The following TAOK3 variants were observed in gnomAD, a reference collection of about 807,000 sequenced individuals.
TAOK3 encodes serine/threonine-protein kinase TAO3.
A neutral mutation model predicts 120.4 loss-of-function variants in TAOK3; 40 were observed. The observed-to-expected ratio is 0.33, with a 90% CI of 0.26 to 0.43. TAOK3 has a LOEUF of 0.43. Among genes scored for constraint, TAOK3 ranks in the 20% least tolerant of loss-of-function variants. TAOK3 has a pLI of 1.00. For missense variants in TAOK3, 821 were observed against 1,112.1 expected, an observed-to-expected ratio of 0.74 and a Z score of 3.72; for synonymous variants, 355 against 387.5, an observed-to-expected ratio of 0.92 and a Z score of 0.99.
chr12:118,240,636 A>T lies in TAOK3; in HGVS notation c.295-1364T>A, dbSNP rs576166116. ...TGGGATTACAGGCATAAGCCACTGC[A>T]CCTGGCCCTTCTTATCCTAGATTTT... On this transcript the variant is annotated intron_variant, in intron 5 of 20. Transcript: ENST00000392533. Among the ~76,000 whole-genome samples the T allele has an allele frequency of 5.6e-3, 853 of 152,198 alleles. 3 individuals are homozygous for T. Among genetic ancestry groups the T allele is most frequent in the Non-Finnish European group, 9.3e-3 (630 of 68,010 alleles).
rs1159721827 is a variant in TAOK3 at position 118,198,199 on chromosome 12, G to A, written c.1194+852C>T. ...TTCCCCTTTTCCTTGAACATACAAA[G>A]CTCTCTCTGTCTCAGTGCTCTTGTA... is the stretch of plus-strand genomic sequence containing the variant. On this transcript the variant is annotated intron_variant, in intron 13 of 20. Transcript: ENST00000392533. 3.3e-5 allele frequency among the ~76,000 whole-genome samples: 5 copies of A among 151,852 alleles called. No homozygotes were observed. In the South Asian group the frequency reaches 1.0e-3, roughly 32 times the overall value.
At position 118,238,178 on chromosome 12, in the gene TAOK3, G is replaced by GA; in HGVS notation, c.341-10_341-9insT. On this transcript the variant is annotated splice_polypyrimidine_tract_variant and intron_variant, in intron 6 of 20. Coordinates refer to ENST00000392533, the MANE Select transcript of TAOK3 (RefSeq NM_016281.4). The stretch of plus-strand genomic sequence containing the variant: ...AAGTGGTTTTTTATGAACTGAGGAA[G>GA]GAAAAAAAAAAAAGTCAGTAGATGA... 6.5e-7 allele frequency: 1 copy of GA among 1,529,988 alleles called. No individual in the cohort carries two copies. Among genetic ancestry groups the GA allele is most frequent in the Admixed American group, 2.0e-5 (1 of 51,208 alleles). 94.8% of individuals were successfully genotyped at this position (1,529,988 alleles called of 1,614,324 possible).
intron 9 of TAOK3, among the ~76,000 whole-genome samples, chr12:118,223,062 CT>C (rs75334511): frequency 0.021 from 2,505 of 119,780 alleles, 19 homozygotes; most frequent in African/African-American, 0.047. Flanking sequence ...TTCTTTCTTT[CT>C]TTTTTTTTTT....
intron 19 of TAOK3, among the ~76,000 whole-genome samples, chr12:118,155,576 G>C (rs1316590502): frequency 6.6e-6 from 1 of 152,184 alleles, no homozygotes; most frequent in Non-Finnish European, 1.5e-5. Context: ...ACACTTATGA[G>C]ATGTTTAACA....
At chr12:118,357,619 T>C (rs1214517020) in intron 1 of TAOK3, among the ~76,000 whole-genome samples, 1 of 152,234 alleles carries the variant, frequency 6.6e-6, no homozygotes, top group African/African-American at 2.4e-5. Context: ...ACTTTTCCCT[T>C]CAACGAGTGT....
At chr12:118,304,666 T>C (rs983526022) in intron 1 of TAOK3, among the ~76,000 whole-genome samples, 1 of 152,242 alleles carries the variant, frequency 6.6e-6, no homozygotes, top group Admixed American at 6.5e-5. Flanking sequence ...GCTTTTTGAA[T>C]GTTATATGTG....
intron 1 of TAOK3, among the ~76,000 whole-genome samples, chr12:118,289,995 A>C (rs77518418): frequency 5.1e-4 from 65 of 128,214 alleles, no homozygotes; most frequent in African/African-American, 1.9e-3. Flanking sequence ...ACTCCATTGC[A>C]AAAAAAAAAA....
chr12:118,194,612 C>CTTTTTTTTTTTTTTTT (rs58866768), intron 13 of TAOK3, among the ~76,000 whole-genome samples: 1 of 98,172 alleles, frequency 1.0e-5, no homozygotes, highest in Non-Finnish European at 2.1e-5. Context: ...AAGGACATTT[C>CTTTTTTTTTTTTTTTT]TTTTTTTTTT....
At chr12:118,360,272 A>G (rs938286470) in intron 1 of TAOK3, among the ~76,000 whole-genome samples, 3 of 147,548 alleles carry the variant, frequency 2.0e-5, no homozygotes, top group African/African-American at 7.6e-5. Flanking sequence ...CAAAAGAAAA[A>G]AAAAAAAAAG....
intron 20 of TAOK3, among the ~76,000 whole-genome samples, chr12:118,151,810 T>A (rs2034464822): frequency 2.0e-5 from 3 of 152,360 alleles, no homozygotes; most frequent in African/African-American, 7.2e-5. Flanking sequence ...ATTTTAATTT[T>A]TTTTTAAACA....
chr12:118,288,038 G>A (rs371603504), intron 1 of TAOK3, among the ~76,000 whole-genome samples: 25 of 151,176 alleles, frequency 1.7e-4, no homozygotes, highest in East Asian at 1.2e-3. Flanking sequence ...ATTATCTAGT[G>A]TGCAATTTTT....
chr12:118,336,077 G>A (rs1315388124), intron 1 of TAOK3, among the ~76,000 whole-genome samples: 1 of 152,092 alleles, frequency 6.6e-6, no homozygotes, highest in Non-Finnish European at 1.5e-5. Flanking sequence ...ACGGATTTTC[G>A]TAGACATAGG....
intron 5 of TAOK3, among the ~76,000 whole-genome samples, chr12:118,241,837 G>A (rs1339209794): frequency 6.6e-6 from 1 of 152,170 alleles, no homozygotes; most frequent in Non-Finnish European, 1.5e-5. Context: ...GTGGCCGGGT[G>A]CAGTGGCTCA....
chr12:118,246,418 T>C (rs973185772), intron 3 of TAOK3: 346 of 1,464,902 alleles, frequency 2.4e-4, no homozygotes, highest in Non-Finnish European at 3.1e-4. Flanking sequence ...ATTATGCCAG[T>C]GCAGAAGCAG....
chr12:118,265,582 C>T (rs1042010825), intron 2 of TAOK3, among the ~76,000 whole-genome samples: 1 of 151,986 alleles, frequency 6.6e-6, no homozygotes, highest in Non-Finnish European at 1.5e-5. Context: ...TAATATAACA[C>T]CTCATTTCAC....
At chr12:118,200,620 T>C (rs2037973634) in intron 12 of TAOK3, 1 of 152,204 alleles carries the variant, frequency 6.6e-6, no homozygotes, top group South Asian at 2.1e-4. Context: ...ATCTGTATAC[T>C]GGCAAGAGTT....
At chr12:118,240,884 T>A (rs2040221565) in intron 5 of TAOK3, among the ~76,000 whole-genome samples, 1 of 151,844 alleles carries the variant, frequency 6.6e-6, no homozygotes, top group African/African-American at 2.4e-5. Flanking sequence ...AAAATATATT[T>A]ATATTATGTA....
At chr12:118,339,582 T>TC (rs1459025497) in intron 1 of TAOK3, among the ~76,000 whole-genome samples, 2 of 151,500 alleles carry the variant, frequency 1.3e-5, no homozygotes, top group African/African-American at 4.9e-5. Context: ...TTTTTTTTTT[T>TC]CGAGACGGGG....
chr12:118,266,475 T>C (rs1290950563), intron 2 of TAOK3, among the ~76,000 whole-genome samples, 180 bp downstream of exon 2: 18 of 152,304 alleles, frequency 1.2e-4, no homozygotes, highest in Admixed American at 9.8e-4. Flanking sequence ...GTGCTGGGAT[T>C]ACAGGCATGA....
Sources: gnomAD v4.1 joint callset for allele counts (sites outside exome capture counted in the v4.1 genomes callset) on GRCh38, gnomAD v4.1.1 for gene constraint, MANE v1.5 for transcripts, NCBI Gene and HGNC (gene_info 2026-07-23, HGNC 2026-07-21) for gene names.